PTPRN2: variants seen among roughly 807,000 people sequenced by gnomAD.
The protein encoded by PTPRN2 is receptor-type tyrosine-protein phosphatase N2.
A neutral mutation model predicts 118.8 loss-of-function variants in PTPRN2; 74 were observed. The observed-to-expected ratio is 0.62, with a 90% CI of 0.52 to 0.76. PTPRN2 has a LOEUF of 0.76. PTPRN2 is among the 30% of genes least tolerant of loss of function. The pLI, the probability that PTPRN2 is intolerant of heterozygous loss-of-function variation, is 0.00. For synonymous variants in PTPRN2, 641 were observed against 608.0 expected (o/e 1.05, Z -0.80); for missense variants, 1,481 against 1,394.4 (o/e 1.06, Z -0.99).
chr7:157,812,488 CTCTT>C (rs1168366835), intron 12 of PTPRN2, among the ~76,000 whole-genome samples: 4 of 152,166 alleles, frequency 2.6e-5, no homozygotes, highest in African/African-American at 9.7e-5. Context: ...AAAAGAAAAA[CTCTT>C]TCAACACTCC....
At chr7:157,774,898 G>A (rs1402372915) in intron 12 of PTPRN2, among the ~76,000 whole-genome samples, 2 of 152,180 alleles carry the variant, frequency 1.3e-5, no homozygotes, top group Non-Finnish European at 2.9e-5. Context: ...TAAAAGGCCT[G>A]AAATAATAAC....
At chr7:157,882,999 T>C (rs1389144267) in intron 12 of PTPRN2, among the ~76,000 whole-genome samples, 1 of 144,696 alleles carries the variant, frequency 6.9e-6, no homozygotes, top group African/African-American at 2.6e-5. Context: ...ACCCCAAAAA[T>C]GACTGTCAGA....
At chr7:158,388,056 C>T (rs1811639899) in intron 2 of PTPRN2, among the ~76,000 whole-genome samples, 1 of 152,186 alleles carries the variant, frequency 6.6e-6, no homozygotes, top group African/African-American at 2.4e-5. Flanking sequence ...AGAACCCCAG[C>T]TCCACAGCAG....
At chr7:158,528,520 C>G (rs918419309) in intron 1 of PTPRN2, among the ~76,000 whole-genome samples, 1 of 152,084 alleles carries the variant, frequency 6.6e-6, no homozygotes, top group African/African-American at 2.4e-5. Context: ...GGCTCGGTGG[C>G]TCACACCTGT....
At chr7:157,925,537 A>G (rs1038393707) in intron 11 of PTPRN2, among the ~76,000 whole-genome samples, 1 of 152,016 alleles carries the variant, frequency 6.6e-6, no homozygotes, top group Non-Finnish European at 1.5e-5. Flanking sequence ...CTCTCCCTCC[A>G]GCTTCCTTTG....
At chr7:157,992,430 G>A (rs1804322814) in intron 11 of PTPRN2, among the ~76,000 whole-genome samples, 1 of 152,230 alleles carries the variant, frequency 6.6e-6, no homozygotes, top group Non-Finnish European at 1.5e-5. Flanking sequence ...GGCAGGTTGG[G>A]GGACCGGCCA....
chr7:158,163,526 G>A (rs905640798), intron 6 of PTPRN2, among the ~76,000 whole-genome samples: 2 of 148,204 alleles, frequency 1.3e-5, no homozygotes, highest in Non-Finnish European at 3.0e-5. Context: ...TATTTCATAG[G>A]TGATCAATAT....
chr7:157,542,263 C>T (rs1200233879), intron 22 of PTPRN2, among the ~76,000 whole-genome samples: 1 of 152,218 alleles, frequency 6.6e-6, no homozygotes, highest in Non-Finnish European at 1.5e-5. Context: ...TACACAACAG[C>T]CATTCAGACC....
At chr7:158,284,779 G>C (rs959008741) in intron 3 of PTPRN2, among the ~76,000 whole-genome samples, 1 of 152,238 alleles carries the variant, frequency 6.6e-6, no homozygotes, top group African/African-American at 2.4e-5. Flanking sequence ...TGCAGGCGAT[G>C]AATGTACTAT....
At chr7:158,357,580 G>C (rs545014759) in intron 2 of PTPRN2, among the ~76,000 whole-genome samples, 1 of 152,372 alleles carries the variant, frequency 6.6e-6, no homozygotes, top group East Asian at 1.9e-4. Flanking sequence ...CACTGAGGGC[G>C]TCACACAGGC....
rs532979401 is a variant in PTPRN2 at position 157,615,684 on chromosome 7, C to T, written c.2344+5678G>A. 96 of 454,072 alleles carry T rather than the reference C, an allele frequency of 2.1e-4. No homozygotes were observed. The highest frequency in any genetic ancestry group is 1.3e-3 in the African/African-American group (65 of 49,968). The allele number at this position is 454,072 out of a possible 1,614,324, so 28.1% of individuals were successfully genotyped here. A position where few individuals can be genotyped will look rare whatever the true frequency, so the allele number is the denominator to read the frequency against. On this transcript the variant is annotated intron_variant, in intron 15 of 22. Transcript: ENST00000389418. This position sits in a 1 kb window ranked among gnomAD's most constrained non-coding sequence, Gnocchi z 4.3. ...CGACGTGAAAAACATGTTTATAAAA[C>T]GAGCAGATGGTGCCGAGCTGAGAGG... is the stretch of plus-strand genomic sequence containing the variant.
intron 11 of PTPRN2, among the ~76,000 whole-genome samples, chr7:157,996,347 C>G (rs73169734): frequency 1.3e-5 from 2 of 152,338 alleles, no homozygotes; most frequent in Non-Finnish European, 2.9e-5. Context: ...GTGATGGCTA[C>G]ACTCAAAGCC....
At chr7:158,031,049 A>G (rs1290084095) in intron 11 of PTPRN2, 1 of 152,260 alleles carries the variant, frequency 6.6e-6, no homozygotes, top group Non-Finnish European at 1.5e-5. Context: ...AATCTGCAGT[A>G]TCTGCTGAAG....
chr7:157,936,552 AC>A (rs1181827573), intron 11 of PTPRN2, among the ~76,000 whole-genome samples: 32 of 141,812 alleles, frequency 2.3e-4, no homozygotes, highest in African/African-American at 8.0e-4. Context: ...TGTCTCCTCC[AC>A]TCGGAAGCCA....
chr7:158,361,690 G>A (rs913032914), intron 2 of PTPRN2, among the ~76,000 whole-genome samples: 15 of 152,146 alleles, frequency 9.9e-5, no homozygotes, highest in Non-Finnish European at 1.8e-4. Context: ...GGCACTCCCG[G>A]ACCCTCCTGG....
At chr7:157,756,467 T>C (rs1461803714) in intron 12 of PTPRN2, among the ~76,000 whole-genome samples, 1 of 152,042 alleles carries the variant, frequency 6.6e-6, no homozygotes, top group East Asian at 1.9e-4. Context: ...AGCTAATTTT[T>C]GTATTTTTAA....
In PTPRN2 at chr7:157,898,719, A is replaced by G; in HGVS notation, c.1742T>C (p.Leu581Pro). The change falls in exon 12 of 23, where the codon CTG (leucine) becomes CCG (proline). Residue 581 changes from leucine to proline, a missense_variant. Leu to Pro is a moderately conservative substitution (Grantham distance 98). This residue lies in a region of PTPRN2 where 1,115 missense variants were observed against 994.2 expected (regional missense o/e 1.12). Transcript: ENST00000389418. ...AATTTTCAGTCCAGAGGTTTCCTCC[A>G]GTTTGTCTTTGTTGTCAACTGTTAG... ...EKATVDNKDK[L>P]EETSGLKILQ... The G allele has an allele frequency of 6.2e-7, 1 of 1,608,088 alleles. No individual in the cohort carries two copies. The highest frequency in any genetic ancestry group is 1.1e-5 in the South Asian group (1 of 90,976).
At chr7:158,391,347 C>A (rs1424228626) in intron 2 of PTPRN2, among the ~76,000 whole-genome samples, 1 of 152,192 alleles carries the variant, frequency 6.6e-6, no homozygotes, top group Non-Finnish European at 1.5e-5. Flanking sequence ...CCTCTCCTGG[C>A]CAAGCTGCAC....
intron 12 of PTPRN2, among the ~76,000 whole-genome samples, chr7:157,685,005 G>A (rs540172588): frequency 2.0e-4 from 30 of 152,000 alleles, no homozygotes; most frequent in Admixed American, 1.2e-3. Flanking sequence ...TTCGCCTGCG[G>A]GGCCGCGTCC....
Sources: gnomAD v4.1 joint callset for allele counts (sites outside exome capture counted in the v4.1 genomes callset) on GRCh38, gnomAD v4.1.1 for gene constraint, gnomAD v4.1.1 regional missense constraint, Gnocchi (gnomAD v3.1) non-coding constraint, MANE v1.5 for transcripts, NCBI Gene and HGNC (gene_info 2026-07-23, HGNC 2026-07-21) for gene names.